GRM5: variants seen among roughly 807,000 people sequenced by gnomAD.
GRM5 encodes the protein metabotropic glutamate receptor 5.
GRM5 carries 19 observed loss-of-function variants against 83.1 expected under a neutral mutation model. That is an observed-to-expected ratio of 0.23 (90% CI 0.16 to 0.34). The LOEUF is 0.34. Ranked by LOEUF, GRM5 falls within the 10% of genes least tolerant of loss-of-function variation. The probability of loss-of-function intolerance (pLI) is 1.00; values close to 1 mark genes in which losing one functional copy is unlikely to be tolerated. For missense variants in GRM5, 1,160 were observed against 1,588.3 expected (o/e 0.73, Z 4.58); for synonymous variants, 675 against 633.6 (o/e 1.07, Z -0.98).
chr11:88,717,234 C>T (rs1941419015), intron 3 of GRM5, among the ~76,000 whole-genome samples: 1 of 151,596 alleles, frequency 6.6e-6, no homozygotes, highest in Admixed American at 6.6e-5. Flanking sequence ...TTAAAAAAAG[C>T]CATTTATTAG....
intron 3 of GRM5, among the ~76,000 whole-genome samples, chr11:88,816,814 T>C (rs1423308550): frequency 6.7e-6 from 1 of 149,660 alleles, no homozygotes; most frequent in Non-Finnish European, 1.5e-5. Flanking sequence ...GTTATATTGC[T>C]ACAAATTATA....
At chr11:88,558,799 C>CAAAAAA (rs71265014) in intron 8 of GRM5, among the ~76,000 whole-genome samples, 1 of 21,922 alleles carries the variant, frequency 4.6e-5, no homozygotes, top group Admixed American at 6.8e-4. Context: ...GACTCCATCT[C>CAAAAAA]AAAAAAAAAA....
chr11:88,785,376 A>G (rs1412516502), intron 3 of GRM5, among the ~76,000 whole-genome samples: 2 of 152,104 alleles, frequency 1.3e-5, no homozygotes, highest in African/African-American at 4.8e-5. Context: ...TTTACGTTTT[A>G]AAGAAGAAAG....
At chr11:89,061,366 CTT>C (rs1024811519) in intron 1 of GRM5, among the ~76,000 whole-genome samples, 38 of 152,212 alleles carry the variant, frequency 2.5e-4, no homozygotes, top group Middle Eastern at 6.8e-3. Context: ...TTTATTGACA[CTT>C]AATTTAGTTT....
intron 3 of GRM5, among the ~76,000 whole-genome samples, chr11:88,751,881 G>A (rs1289631661): frequency 6.6e-6 from 1 of 152,064 alleles, no homozygotes; most frequent in Non-Finnish European, 1.5e-5. Flanking sequence ...TGCAGAAAAG[G>A]CCTGTGATAA....
chr11:88,995,897 T>C (rs1452401535), intron 2 of GRM5, among the ~76,000 whole-genome samples: 1 of 152,030 alleles, frequency 6.6e-6, no homozygotes, highest in Non-Finnish European at 1.5e-5. Flanking sequence ...AAGAACCATA[T>C]GGCTGCTTTC....
intron 3 of GRM5, among the ~76,000 whole-genome samples, chr11:88,716,719 T>C (rs1941408689): frequency 6.6e-6 from 1 of 151,970 alleles, no homozygotes; most frequent in African/African-American, 2.4e-5. Context: ...ATTAGTCTCA[T>C]TTTCCAGTAG....
intron 2 of GRM5, among the ~76,000 whole-genome samples, chr11:89,027,543 C>A (rs1941155358): frequency 6.6e-6 from 1 of 152,324 alleles, no homozygotes; most frequent in Non-Finnish European, 1.5e-5. Context: ...GATTTTCACA[C>A]TTCTACATTA....
chr11:88,519,861 T>A (rs924227584), intron 9 of GRM5, among the ~76,000 whole-genome samples: 2 of 152,178 alleles, frequency 1.3e-5, no homozygotes, highest in African/African-American at 4.8e-5. Context: ...TCAGGCAATA[T>A]GCTAAGTGCT....
intron 3 of GRM5, among the ~76,000 whole-genome samples, chr11:88,685,259 C>T (rs1940590623): frequency 6.6e-6 from 1 of 152,128 alleles, no homozygotes; most frequent in Admixed American, 6.5e-5. Flanking sequence ...AAGAGACTGG[C>T]AGCATTTTGC....
At chr11:88,848,308 G>C (rs1266285148) in intron 3 of GRM5, among the ~76,000 whole-genome samples, 1 of 152,094 alleles carries the variant, frequency 6.6e-6, no homozygotes, top group African/African-American at 2.4e-5. Flanking sequence ...TACCAAAATA[G>C]CCCCATCAAT....
chr11:89,036,706 ATC>A (rs1941394912), intron 2 of GRM5, among the ~76,000 whole-genome samples: 1 of 111,664 alleles, frequency 9.0e-6, no homozygotes, highest in Non-Finnish European at 1.8e-5. Flanking sequence ...AAGACTATTA[ATC>A]AGTATTTGTA....
intron 5 of GRM5, among the ~76,000 whole-genome samples, chr11:88,601,290 G>A (rs1300946092): frequency 6.6e-6 from 1 of 152,082 alleles, no homozygotes; most frequent in Non-Finnish European, 1.5e-5. Context: ...GTCGTTATCT[G>A]CCATTTCTAC....
chr11:88,812,502 C>T (rs1943605057), intron 3 of GRM5, among the ~76,000 whole-genome samples: 2 of 152,114 alleles, frequency 1.3e-5, no homozygotes, highest in African/African-American at 4.8e-5. Context: ...TGAACCAGGT[C>T]TTTTGACTTA....
At chr11:88,659,141 C>G (rs1285333973) in intron 3 of GRM5, among the ~76,000 whole-genome samples, 1 of 152,058 alleles carries the variant, frequency 6.6e-6, no homozygotes, top group African/African-American at 2.4e-5. Flanking sequence ...AACCTCCAAA[C>G]TTGTGGGGCA....
At chr11:88,976,452 T>C (rs1441422745) in intron 2 of GRM5, among the ~76,000 whole-genome samples, 1 of 152,118 alleles carries the variant, frequency 6.6e-6, no homozygotes. Context: ...TCCAAAGGTT[T>C]TGTTTCTTTA....
chr11:89,003,679 T>G (rs1368040020), intron 2 of GRM5, among the ~76,000 whole-genome samples: 1 of 126,914 alleles, frequency 7.9e-6, no homozygotes, highest in Non-Finnish European at 1.5e-5. Flanking sequence ...TTAAACAACT[T>G]ATTATTATTA....
chr11:88,845,390 C>T (rs1251387149), intron 3 of GRM5, among the ~76,000 whole-genome samples: 1 of 143,544 alleles, frequency 7.0e-6, no homozygotes, highest in African/African-American at 2.6e-5. Flanking sequence ...TTCTATTGTG[C>T]ACTTATTAGG....
intron 7 of GRM5, among the ~76,000 whole-genome samples, chr11:88,568,781 A>C (rs1474954829): frequency 6.6e-6 from 1 of 152,190 alleles, no homozygotes; most frequent in African/African-American, 2.4e-5. Flanking sequence ...CTAGTAAAGA[A>C]GAGTTGGAAT....
Sources: allele counts gnomAD v4.1 joint callset (sites outside exome capture counted in the v4.1 genomes callset), GRCh38; gene constraint gnomAD v4.1.1; transcripts MANE v1.5; gene names NCBI Gene and HGNC (gene_info 2026-07-23, HGNC 2026-07-21).